Variants in TSGA10 observed in about 807,000 individuals in gnomAD.
The protein encoded by TSGA10 is testis specific 10, also known as testis-specific gene 10 protein.
Under a neutral mutation model 96.6 loss-of-function variants are expected in TSGA10, and 43 were observed. That is an observed-to-expected ratio of 0.44 (90% CI 0.35 to 0.57). The LOEUF is 0.57. TSGA10 is among the 20% of genes least tolerant of loss of function. TSGA10 has a pLI of 0.01. For synonymous variants in TSGA10, 229 were observed against 269.9 expected (o/e 0.85, Z 1.48); for missense variants, 703 against 834.4 (o/e 0.84, Z 1.94).
intron 17 of TSGA10, among the ~76,000 whole-genome samples, chr2:99,029,363 C>G (rs1239104073): frequency 6.6e-6 from 1 of 151,578 alleles, no homozygotes. Context: ...AAAATCAAGA[C>G]CAGGGTATAT....
intron 10 of TSGA10, among the ~76,000 whole-genome samples, chr2:99,086,986 C>T (rs143375671): frequency 0.013 from 1,980 of 151,858 alleles, 31 homozygotes; most frequent in Non-Finnish European, 0.02. Context: ...GGGCGAATCA[C>T]GAGGTCAGGA....
At chr2:99,150,489 A>G in intron 1 of TSGA10, 3 of 1,527,068 alleles carry the variant, frequency 2.0e-6, no homozygotes, top group Non-Finnish European at 2.6e-6. Context: ...TCAGTAATCA[A>G]GTTGAAGAAA....
chr2:99,136,777 C>T (rs1352361340), intron 1 of TSGA10, among the ~76,000 whole-genome samples: 3 of 16,430 alleles, frequency 1.8e-4, no homozygotes, highest in African/African-American at 3.7e-4. Flanking sequence ...CCAGCCTGGG[C>T]GACAGAGCGA....
chr2:99,096,115 AT>A (rs1404462800), intron 10 of TSGA10, among the ~76,000 whole-genome samples: 5 of 152,230 alleles, frequency 3.3e-5, no homozygotes, highest in South Asian at 4.1e-4. Context: ...TATTACTGTC[AT>A]TTATAAGTGT....
intron 16 of TSGA10, among the ~76,000 whole-genome samples, chr2:99,048,471 G>C (rs781592623): frequency 1.3e-5 from 2 of 152,114 alleles, no homozygotes; most frequent in Non-Finnish European, 2.9e-5. Flanking sequence ...ACAAAAACAA[G>C]AAATGGGGAA....
In TSGA10 at chr2:99,006,334, A is replaced by G. The variant is rs541277235; in HGVS notation, c.2073-8113T>C. Among the ~76,000 whole-genome samples, 1,186 of 152,306 alleles carry G rather than the reference A, an allele frequency of 7.8e-3. 18 individuals are homozygous for G. The highest frequency in any genetic ancestry group is 0.027 in the African/African-American group (1,116 of 41,564). On this transcript the variant is annotated intron_variant, in intron 20 of 20. Transcript: ENST00000393483. ...AAAGAGCTTCTGCACAGCAAAAGAAACTACCATCAGAGTGAACAGGCAACC... is the reference window on the plus strand; with the variant it reads ...AAAGAGCTTCTGCACAGCAAAAGAAGCTACCATCAGAGTGAACAGGCAACC...
At chr2:99,120,809 C>T (rs914270343) in intron 2 of TSGA10, among the ~76,000 whole-genome samples, 1 of 152,112 alleles carries the variant, frequency 6.6e-6, no homozygotes, top group African/African-American at 2.4e-5. Flanking sequence ...TCCATTACAA[C>T]GAGACCATTC....
intron 10 of TSGA10, among the ~76,000 whole-genome samples, chr2:99,086,465 A>G (rs949057692): frequency 6.6e-6 from 1 of 152,258 alleles, no homozygotes. Flanking sequence ...ATAACTCATC[A>G]TATTAACAGA....
At chr2:99,112,243 C>T (rs561811682) in intron 4 of TSGA10, among the ~76,000 whole-genome samples, 3 of 152,066 alleles carry the variant, frequency 2.0e-5, no homozygotes, top group South Asian at 4.2e-4. Flanking sequence ...AATCTCTGCC[C>T]TCATGTAGTA....
At chr2:99,103,370 C>G (rs1014330764) in intron 10 of TSGA10, among the ~76,000 whole-genome samples, 2 of 152,146 alleles carry the variant, frequency 1.3e-5, no homozygotes. Flanking sequence ...GCAACAGATA[C>G]TAAAAGTAAA....
At position 99,105,346 on chromosome 2, in the gene TSGA10, T is replaced by C. The variant is rs751167163; in HGVS notation, c.459+13A>G. On this transcript the variant is annotated intron_variant, in intron 9 of 20. Transcript: ENST00000393483. ...TATAGCCAAAAGAGACTTTTCTTTT[T>C]TTTTTTTTTTACATTATGAACTGTA... The C allele has an allele frequency of 3.8e-6, 6 of 1,578,218 alleles. No homozygotes were observed. The highest frequency in any genetic ancestry group is 2.2e-5 in the East Asian group (1 of 44,662).
intron 17 of TSGA10, among the ~76,000 whole-genome samples, chr2:99,027,475 A>G (rs2080719024): frequency 1.3e-5 from 2 of 152,244 alleles, no homozygotes; most frequent in Admixed American, 1.3e-4. Context: ...ATTACATTGC[A>G]TGGTGACCAC....
rs569999952 is a variant in TSGA10 at position 99,015,034 on chromosome 2, A to T, written c.2072+3166T>A. ...ATAAAAAAAGTCCAGGACCAGATGG[A>T]TTCACAGCTGAATTCCATCAGACAG... On this transcript the variant is annotated intron_variant, in intron 20 of 20. Transcript: ENST00000393483. Among the ~76,000 whole-genome samples, 642 of 152,330 alleles carry T rather than the reference A, an allele frequency of 4.2e-3. 3 individuals are homozygous for T. The highest frequency in any genetic ancestry group is 8.3e-3 in the South Asian group (40 of 4,828).
At chr2:99,047,599 C>T (rs1193212532) in intron 16 of TSGA10, among the ~76,000 whole-genome samples, 1 of 152,128 alleles carries the variant, frequency 6.6e-6, no homozygotes, top group Admixed American at 6.5e-5. Flanking sequence ...CTATTTATGA[C>T]AAACCCACAG....
intron 10 of TSGA10, among the ~76,000 whole-genome samples, chr2:99,085,228 C>G (rs1349327876): frequency 6.6e-6 from 1 of 151,854 alleles, no homozygotes; most frequent in Non-Finnish European, 1.5e-5. Flanking sequence ...GCCTGGGTGA[C>G]AGAGTAAGAC....
At chr2:99,153,790 CATT>C (rs1209892411) in intron 1 of TSGA10, among the ~76,000 whole-genome samples, 5 of 152,162 alleles carry the variant, frequency 3.3e-5, no homozygotes, top group Admixed American at 2.6e-4. Flanking sequence ...AAGGAGGTGT[CATT>C]ATGTCTTCAT....
chr2:99,072,926 CATT>C (rs1408633388), intron 13 of TSGA10, 89 bp downstream of exon 13: 3 of 866,662 alleles, frequency 3.5e-6, no homozygotes, highest in African/African-American at 3.4e-5. Flanking sequence ...TTACACGTAT[CATT>C]AAGCCCCTTG....
chr2:99,135,387 G>A (rs2093283525), intron 1 of TSGA10, among the ~76,000 whole-genome samples: 1 of 152,200 alleles, frequency 6.6e-6, no homozygotes, highest in African/African-American at 2.4e-5. Context: ...CACTCATTTG[G>A]AAATGCAGAA....
In TSGA10 at chr2:99,071,783, C is replaced by A. The variant is rs748723489; in HGVS notation, c.1030G>T (p.Ala344Ser). 8.7e-6 allele frequency: 14 copies of A among 1,613,840 alleles called. No individual in the cohort carries two copies. Among genetic ancestry groups the A allele is most frequent in the Middle Eastern group, 1.6e-4 (1 of 6,084 alleles). The change falls in exon 14 of 21, where the codon GCC becomes TCC. Residue 344 changes from alanine (A) to serine (S), a missense_variant. By Grantham distance (99) the Ala-to-Ser change is moderately conservative (BLOSUM62 1). Coordinates refer to ENST00000393483, the MANE Select transcript of TSGA10 (RefSeq NM_025244.4). Reference protein sequence around the residue: ...DETNDELAQIARERDILAHDN... With the variant: ...DETNDELAQISRERDILAHDN... ...TGAGCCAAGATATCTCTTTCCCTGG[C>A]GATCTGGGCCAGCTCATCATTTGTC...
Sources: gnomAD v4.1 joint callset for allele counts (sites outside exome capture counted in the v4.1 genomes callset) on GRCh38, gnomAD v4.1.1 for gene constraint, MANE v1.5 for transcripts, NCBI Gene and HGNC (gene_info 2026-07-23, HGNC 2026-07-21) for gene names.